Variants in DMRT1 observed in about 807,000 individuals in gnomAD.
DMRT1 encodes doublesex and mab-3 related transcription factor 1.
A neutral mutation model predicts 32.3 loss-of-function variants in DMRT1; 7 were observed. That is an observed-to-expected ratio of 0.22 (90% CI 0.12 to 0.41). The LOEUF (loss-of-function observed/expected upper bound fraction) is 0.41. Among genes scored for constraint, DMRT1 ranks in the 10% least tolerant of loss-of-function variants. The pLI is 1.00. For missense variants in DMRT1, 625 were observed against 500.5 expected (o/e 1.25, Z -2.37); for synonymous variants, 278 against 206.1 (o/e 1.35, Z -2.99).
At chr9:929,725 G>A (rs1326809623) in intron 4 of DMRT1, among the ~76,000 whole-genome samples, 1 of 151,978 alleles carries the variant, frequency 6.6e-6, no homozygotes, top group African/African-American at 2.4e-5. Flanking sequence ...TTTGTGCCAG[G>A]CCTAACAGTG....
At chr9:925,238 A>C (rs1373155716) in intron 4 of DMRT1, among the ~76,000 whole-genome samples, 3 of 152,176 alleles carry the variant, frequency 2.0e-5, no homozygotes, top group African/African-American at 7.2e-5. Flanking sequence ...TGAGTAAGAA[A>C]CCAACTGTGG....
At chr9:906,061 T>A (rs3084883) in intron 3 of DMRT1, among the ~76,000 whole-genome samples, 4 of 18,744 alleles carry the variant, frequency 2.1e-4, no homozygotes, top group Non-Finnish European at 6.5e-4. Context: ...ACTCACACAC[T>A]CTTCCAAATC....
intron 3 of DMRT1, among the ~76,000 whole-genome samples, chr9:904,710 C>T (rs992921923): frequency 9.2e-5 from 14 of 152,054 alleles, no homozygotes; most frequent in African/African-American, 2.7e-4. Flanking sequence ...TTTGGGAGGC[C>T]GAGGCAGGTG....
chr9:878,208 CCCA>C (rs1816589704), intron 2 of DMRT1, among the ~76,000 whole-genome samples: 1 of 124,786 alleles, frequency 8.0e-6, no homozygotes, highest in Non-Finnish European at 1.6e-5. Flanking sequence ...CTGCCCCCCC[CCCA>C]CCCAATAAAA....
At chr9:880,696 A>C (rs1200739867) in intron 2 of DMRT1, among the ~76,000 whole-genome samples, 3 of 149,584 alleles carry the variant, frequency 2.0e-5, no homozygotes, top group Non-Finnish European at 4.4e-5. Flanking sequence ...ATTGCACTCC[A>C]ACCTGGGCAA....
At chr9:874,684 A>G (rs1000149993) in intron 2 of DMRT1, among the ~76,000 whole-genome samples, 2 of 151,732 alleles carry the variant, frequency 1.3e-5, no homozygotes, top group African/African-American at 4.8e-5. Context: ...TTAGGTATGC[A>G]TCCTCTCTGT....
chr9:915,406 TG>T lies in DMRT1; in HGVS notation c.823-1356del, dbSNP rs1564247902. On this transcript the variant is annotated intron_variant, in intron 3 of 4. Transcript: ENST00000382276. ...ATGAGAATCAGGAAGCCACAGGGAA[TG>T]AACTGCTTCTTATATAAAAGCTATC... Among the ~76,000 whole-genome samples, 9 of 152,314 alleles carry T rather than the reference TG, an allele frequency of 5.9e-5. No homozygotes were observed. The East Asian group carries it at 1.7e-3, about 29-fold the overall frequency.
chr9:916,710 A>T (rs1818194934), intron 3 of DMRT1, 53 bp from the exon 4 acceptor site: 1 of 1,591,324 alleles, frequency 6.3e-7, no homozygotes. Context: ...TTATTGTACT[A>T]GTTGTGACAT....
chr9:878,205 C>CG (rs1024541710), intron 2 of DMRT1, among the ~76,000 whole-genome samples: 2 of 114,220 alleles, frequency 1.8e-5, no homozygotes, highest in South Asian at 3.9e-4. Flanking sequence ...CTGCTGCCCC[C>CG]CCCCCACCCA....
chr9:900,605 T>C (rs568976463), intron 3 of DMRT1, among the ~76,000 whole-genome samples: 82 of 151,468 alleles, frequency 5.4e-4, no homozygotes, highest in Non-Finnish European at 8.8e-4. Flanking sequence ...TGAACAAATA[T>C]GATTTTAAAA....
intron 2 of DMRT1, among the ~76,000 whole-genome samples, chr9:877,579 G>A (rs1323047158): frequency 6.6e-6 from 1 of 152,156 alleles, no homozygotes; most frequent in African/African-American, 2.4e-5. Flanking sequence ...TCTCATTTCA[G>A]TCACTAATTT....
intron 4 of DMRT1, among the ~76,000 whole-genome samples, chr9:926,398 T>C (rs1818524783): frequency 6.6e-6 from 1 of 152,218 alleles, no homozygotes; most frequent in African/African-American, 2.4e-5. Flanking sequence ...ATCAGCTACT[T>C]TCAAAAATAT....
intron 3 of DMRT1, among the ~76,000 whole-genome samples, chr9:896,764 G>C (rs1817383976): frequency 6.6e-6 from 1 of 151,712 alleles, no homozygotes; most frequent in African/African-American, 2.4e-5. Context: ...AGTGAGCAGA[G>C]ATCGCGCCAT....
chr9:937,734 G>A (rs965684884), intron 4 of DMRT1, among the ~76,000 whole-genome samples: 10 of 151,882 alleles, frequency 6.6e-5, no homozygotes, highest in Admixed American at 1.3e-4. Context: ...TCTTTATTAT[G>A]TTCTGGATAC....
intron 2 of DMRT1, among the ~76,000 whole-genome samples, chr9:874,855 T>G (rs979041169): frequency 7.1e-6 from 1 of 140,382 alleles, no homozygotes; most frequent in African/African-American, 2.7e-5. Context: ...TCACCCCAGC[T>G]GGAGTGCAGT....
intron 4 of DMRT1, among the ~76,000 whole-genome samples, chr9:941,338 C>CCCCCA (rs1554760857): frequency 3.5e-4 from 47 of 135,568 alleles, no homozygotes; most frequent in African/African-American, 1.4e-3. Context: ...CTCCCCCCCC[C>CCCCCA]CACACATATG....
intron 2 of DMRT1, among the ~76,000 whole-genome samples, chr9:881,938 G>C (rs1371112287): frequency 6.6e-6 from 1 of 152,214 alleles, no homozygotes; most frequent in East Asian, 1.9e-4. Context: ...TTCTGAATTG[G>C]CCTAAAGAGA....
chr9:844,409 T>A (rs2132536992), intron 1 of DMRT1, among the ~76,000 whole-genome samples: 1 of 152,290 alleles, frequency 6.6e-6, no homozygotes, highest in African/African-American at 2.4e-5. Context: ...TGAGAGAAGG[T>A]CCTTAGCATA....
intron 3 of DMRT1, among the ~76,000 whole-genome samples, chr9:896,078 C>T (rs1817349447): frequency 6.6e-6 from 1 of 151,820 alleles, no homozygotes; most frequent in Non-Finnish European, 1.5e-5. Flanking sequence ...GCTGGGATTA[C>T]AGGCATGAGC....
Sources: allele counts gnomAD v4.1 joint callset (sites outside exome capture counted in the v4.1 genomes callset), GRCh38; gene constraint gnomAD v4.1.1; transcripts MANE v1.5; gene names NCBI Gene and HGNC (gene_info 2026-07-23, HGNC 2026-07-21).